ABCB4: variants seen among roughly 807,000 people sequenced by gnomAD.
The protein encoded by ABCB4 is phosphatidylcholine translocator ABCB4.
A neutral mutation model predicts 145.7 loss-of-function variants in ABCB4; 76 were observed. The observed-to-expected ratio is 0.52, with a 90% CI of 0.43 to 0.63. The LOEUF (loss-of-function observed/expected upper bound fraction) is 0.63. ABCB4 is among the 30% of genes least tolerant of loss of function. The probability of loss-of-function intolerance (pLI) is 0.00; values close to 1 mark genes in which losing one functional copy is unlikely to be tolerated. For missense variants in ABCB4, 1,234 were observed against 1,553.1 expected (o/e 0.79, Z 3.45); for synonymous variants, 517 against 566.8 (o/e 0.91, Z 1.25).
intron 1 of ABCB4, 52 bp downstream of exon 1, chr7:87,475,582 C>T: frequency 3.8e-6 from 4 of 1,045,528 alleles, no homozygotes; most frequent in Non-Finnish European, 5.8e-6. Flanking sequence ...CCGCCCCGCG[C>T]CCCACGTCCC....
At chr7:87,376,937 T>C in the ABCB4 span, among the ~76,000 whole-genome samples, 2 of 152,144 alleles carry the variant, frequency 1.3e-5, no homozygotes, top group Non-Finnish European at 2.9e-5. Flanking sequence ...TAGGCCAAAG[T>C]ATACAGTTTG....
intron 21 of ABCB4, among the ~76,000 whole-genome samples, chr7:87,415,892 T>C (rs756075152): frequency 1.6e-4 from 24 of 152,150 alleles, no homozygotes; most frequent in Non-Finnish European, 3.1e-4. Flanking sequence ...CAACTGACCA[T>C]TCTCCCATAT....
At chr7:87,443,619 A>G (rs747311940) in intron 11 of ABCB4, 44 bp downstream of exon 11, 1 of 1,574,416 alleles carries the variant, frequency 6.4e-7, no homozygotes, top group Non-Finnish European at 8.7e-7. Flanking sequence ...ATGATTCAAC[A>G]ATCAACCTCA....
Position 87,469,101 on chromosome 7 carries a change from A to G in ABCB4, c.135+3520T>C, listed in dbSNP as rs189321173. The stretch of plus-strand genomic sequence containing the variant: ...AATCAATAAACGTAATACAGCATAT[A>G]AACAGAACCAAAGAAAAAAACCACA... On this transcript the variant is annotated intron_variant, in intron 3 of 27. Coordinates refer to ENST00000649586, the MANE Select transcript of ABCB4 (RefSeq NM_000443.4). Among the ~76,000 whole-genome samples the G allele has an allele frequency of 9.8e-4, 149 of 152,298 alleles. 2 individuals carry two copies. The East Asian group carries it at 0.027, about 27-fold the overall frequency.
chr7:87,382,630 A>G, the ABCB4 span: 1 of 1,381,052 alleles, frequency 7.2e-7, no homozygotes, highest in Non-Finnish European at 9.8e-7. Context: ...ACTCCTCAGT[A>G]TTTTTGCTCA....
the ABCB4 span, among the ~76,000 whole-genome samples, chr7:87,384,822 C>T: frequency 6.6e-6 from 1 of 152,116 alleles, no homozygotes; most frequent in African/African-American, 2.4e-5. Context: ...TCAATGTTTT[C>T]TTTTAGTAGT....
At chr7:87,402,914 G>A (rs533694108) in intron 27 of ABCB4, among the ~76,000 whole-genome samples, 8 of 152,208 alleles carry the variant, frequency 5.3e-5, no homozygotes, top group Middle Eastern at 6.8e-3. Flanking sequence ...CAAGAGAATC[G>A]CTTGAACCCT....
At chr7:87,390,909 T>G in the ABCB4 span, among the ~76,000 whole-genome samples, 1 of 152,356 alleles carries the variant, frequency 6.6e-6, no homozygotes, top group East Asian at 1.9e-4. Context: ...TCAGTAATTT[T>G]ATATCACAAT....
At chr7:87,460,015 AT>A (rs569506475) in intron 4 of ABCB4, among the ~76,000 whole-genome samples, 7 of 150,682 alleles carry the variant, frequency 4.6e-5, no homozygotes, top group Admixed American at 2.7e-4. Flanking sequence ...AGTTTCTTTG[AT>A]TTTTTTTTTC....
downstream of ABCB4, among the ~76,000 whole-genome samples, chr7:87,401,518 T>A (rs574986066): frequency 2.0e-5 from 3 of 152,254 alleles, no homozygotes; most frequent in African/African-American, 4.8e-5. Flanking sequence ...TTTAAAACTT[T>A]AAAAAAATAC....
At chr7:87,425,572 C>T (rs1393495062) in intron 16 of ABCB4, among the ~76,000 whole-genome samples, 1 of 152,162 alleles carries the variant, frequency 6.6e-6, no homozygotes, top group Non-Finnish European at 1.5e-5. Flanking sequence ...AAAATAAACT[C>T]AGTCTTCATT....
At chr7:87,449,631 T>A (rs1811574003) in intron 8 of ABCB4, among the ~76,000 whole-genome samples, 1 of 150,874 alleles carries the variant, frequency 6.6e-6, no homozygotes. Flanking sequence ...AGAGCCAGGG[T>A]CTTACTACAT....
the ABCB4 span, among the ~76,000 whole-genome samples, chr7:87,370,980 G>C: frequency 1.2e-4 from 18 of 152,270 alleles, no homozygotes; most frequent in Admixed American, 5.2e-4. Context: ...GTTCTTACTT[G>C]GTTGTGTGTG....
At chr7:87,472,743 T>C in intron 2 of ABCB4, 68 bp from the exon 3 acceptor site, 1 of 1,092,224 alleles carries the variant, frequency 9.2e-7, no homozygotes, top group Non-Finnish European at 1.4e-6. Context: ...TGAACATAAA[T>C]ATGTTTAGTT....
At chr7:87,427,263 A>T (rs1809901891) in intron 15 of ABCB4, among the ~76,000 whole-genome samples, 1 of 152,066 alleles carries the variant, frequency 6.6e-6, no homozygotes, top group Non-Finnish European at 1.5e-5. Flanking sequence ...AGGGAAGAAG[A>T]CTACATGGAA....
chr7:87,404,047 A>G (rs1445450278), intron 26 of ABCB4, among the ~76,000 whole-genome samples: 1 of 152,180 alleles, frequency 6.6e-6, no homozygotes, highest in Non-Finnish European at 1.5e-5. Flanking sequence ...TTAATTTCCT[A>G]AGGTCCAGTG....
At position 87,409,204 on chromosome 7, in the gene ABCB4, G is replaced by GATCAGACAGCAAACCTTAGGGAAAAATTC. The variant is rs1350556626; in HGVS notation, c.3081+31_3081+32insGAATTTTTCCCTAAGGTTTGCTGTCTGAT. ...AGACAGCAAACCTTAGGGAAAAATT[G>GATCAGACAGCAAACCTTAGGGAAAAATTC]ATCAAGCATCATCAGGCATCAGAGA... On this transcript the variant is annotated intron_variant, in intron 24 of 27. Transcript: ENST00000649586. 6 of 1,613,284 alleles carry GATCAGACAGCAAACCTTAGGGAAAAATTC rather than the reference G, an allele frequency of 3.7e-6. No individual in the cohort carries two copies. In the Admixed American group the frequency reaches 8.3e-5, roughly 22 times the overall value.
chr7:87,375,940 A>G, the ABCB4 span: 1 of 1,602,176 alleles, frequency 6.2e-7, no homozygotes, highest in Non-Finnish European at 8.5e-7. Context: ...GTAACACCAG[A>G]GGATTATTCT....
chr7:87,452,734 C>T, intron 6 of ABCB4: 1 of 617,962 alleles, frequency 1.6e-6, no homozygotes, highest in Non-Finnish European at 2.8e-6. Flanking sequence ...GAATTCAGTC[C>T]TCAAATAAAC....
Sources: allele counts gnomAD v4.1 joint callset (sites outside exome capture counted in the v4.1 genomes callset), GRCh38; gene constraint gnomAD v4.1.1; transcripts MANE v1.5; gene names NCBI Gene and HGNC (gene_info 2026-07-23, HGNC 2026-07-21).